IL1RAPL2: variants seen among roughly 807,000 people sequenced by gnomAD.
IL1RAPL2 encodes interleukin 1 receptor accessory protein like 2, also known as X-linked interleukin-1 receptor accessory protein-like 2.
IL1RAPL2 carries 3 observed loss-of-function variants against 44.1 expected under a neutral mutation model. The observed-to-expected ratio is 0.07, with a 90% CI of 0.03 to 0.18. IL1RAPL2 has a LOEUF of 0.18. IL1RAPL2 is among the 10% of genes least tolerant of loss of function. IL1RAPL2 has a pLI of 1.00. For synonymous variants in IL1RAPL2, 181 were observed against 178.8 expected (o/e 1.01, Z -0.10); for missense variants, 391 against 496.4 (o/e 0.79, Z 2.02).
At chrX:104,691,079 T>A (rs943032028) in intron 2 of IL1RAPL2, among the ~76,000 whole-genome samples, 2 of 112,060 alleles carry the variant, frequency 1.8e-5, no homozygotes, top group African/African-American at 6.5e-5. Context: ...CCAACCAAGA[T>A]CATCGGTAGA....
intron 6 of IL1RAPL2, among the ~76,000 whole-genome samples, chrX:105,695,876 A>G (rs902772903): frequency 1.8e-5 from 2 of 112,217 alleles, no homozygotes; most frequent in African/African-American, 6.5e-5. Flanking sequence ...GCCTAACTCA[A>G]ATGCCATGTT....
intron 2 of IL1RAPL2, among the ~76,000 whole-genome samples, chrX:104,680,840 T>C (rs1930879086): frequency 8.9e-6 from 1 of 112,173 alleles, no homozygotes; most frequent in African/African-American, 3.2e-5. Flanking sequence ...AATATTAACT[T>C]GGATTCATAA....
At chrX:104,848,461 A>T (rs1484687664) in intron 2 of IL1RAPL2, among the ~76,000 whole-genome samples, 2 of 89,417 alleles carry the variant, frequency 2.2e-5, no homozygotes, top group African/African-American at 8.2e-5. Flanking sequence ...AACTTAAACA[A>T]TCTCTCTTTG....
chrX:105,671,932 T>C (rs1329940640), intron 6 of IL1RAPL2, among the ~76,000 whole-genome samples: 1 of 111,415 alleles, frequency 9.0e-6, no homozygotes, highest in Non-Finnish European at 1.9e-5. Flanking sequence ...CTCCATTCTG[T>C]TTTTGAGCCC....
chrX:105,633,899 G>T (rs769760154), intron 6 of IL1RAPL2, among the ~76,000 whole-genome samples: 6 of 111,339 alleles, frequency 5.4e-5, no homozygotes, highest in Non-Finnish European at 1.1e-4. Flanking sequence ...TACATGGAGA[G>T]ATCAGGGGGC....
At position 105,161,563 on chromosome X, in the gene IL1RAPL2, G is replaced by A. The variant is rs141035819; in HGVS notation, c.83-33912G>A. Among the ~76,000 whole-genome samples, 536 of 110,913 alleles carry A rather than the reference G, an allele frequency of 4.8e-3. 4 individuals are homozygous for A. The highest frequency in any genetic ancestry group is 8.1e-3 in the Non-Finnish European group (429 of 53,086). ...ATTATGGTTCATGTTAAAATTCAAC[G>A]AGTTTGCCTAGACCACATGGTTTTA... On this transcript the variant is annotated intron_variant, in intron 2 of 10. Coordinates refer to ENST00000372582, the MANE Select transcript of IL1RAPL2 (RefSeq NM_017416.2).
intron 2 of IL1RAPL2, among the ~76,000 whole-genome samples, chrX:104,844,217 TA>T (rs1921983503): frequency 9.0e-6 from 1 of 111,132 alleles, no homozygotes; most frequent in East Asian, 2.8e-4. Flanking sequence ...TGTCCTTCTT[TA>T]AACATTAAAA....
intron 2 of IL1RAPL2, among the ~76,000 whole-genome samples, chrX:104,793,821 C>T (rs2147609275): frequency 9.0e-6 from 1 of 111,480 alleles, no homozygotes; most frequent in Non-Finnish European, 1.9e-5. Flanking sequence ...CCATGAGCAC[C>T]TTACTGGTTA....
At chrX:104,661,570 AC>A in intron 2 of IL1RAPL2, among the ~76,000 whole-genome samples, 1 of 109,523 alleles carries the variant, frequency 9.1e-6, no homozygotes, top group Middle Eastern at 4.6e-3. Flanking sequence ...CTGTTTAGCC[AC>A]CCCCATCATA....
chrX:104,852,435 A>G (rs982971579), intron 2 of IL1RAPL2, among the ~76,000 whole-genome samples: 1 of 111,884 alleles, frequency 8.9e-6, no homozygotes, highest in Non-Finnish European at 1.9e-5. Context: ...TGGTTTTTGC[A>G]GTCTTTTGTA....
intron 2 of IL1RAPL2, among the ~76,000 whole-genome samples, chrX:104,888,721 C>A (rs934828463): frequency 9.0e-6 from 1 of 111,327 alleles, no homozygotes; most frequent in Non-Finnish European, 1.9e-5. Flanking sequence ...CACTCCCATT[C>A]CTGCAAAAAA....
chrX:104,833,695 A>G (rs1227041412), intron 2 of IL1RAPL2, among the ~76,000 whole-genome samples: 2 of 111,667 alleles, frequency 1.8e-5, no homozygotes, highest in East Asian at 5.7e-4. Context: ...CAGGGAAGTT[A>G]TTAAATAGTT....
chrX:104,741,269 G>T (rs941745574), intron 2 of IL1RAPL2, among the ~76,000 whole-genome samples: 1 of 111,206 alleles, frequency 9.0e-6, no homozygotes, highest in Non-Finnish European at 1.9e-5. Context: ...GAAAATAAAG[G>T]AGGTGAGAAA....
chrX:105,216,814 C>G (rs145551202), intron 3 of IL1RAPL2, among the ~76,000 whole-genome samples: 6,210 of 111,646 alleles, frequency 0.056, 439 homozygotes, highest in African/African-American at 0.19. Context: ...CTACAACCAT[C>G]TGATCTTCGA....
chrX:105,678,690 A>G (rs2037895529), intron 6 of IL1RAPL2, among the ~76,000 whole-genome samples: 1 of 110,725 alleles, frequency 9.0e-6, no homozygotes, highest in Non-Finnish European at 1.9e-5. Context: ...CTAGGAGTCA[A>G]TAGGGTAATA....
chrX:104,748,338 T>A (rs1932207574), intron 2 of IL1RAPL2, among the ~76,000 whole-genome samples: 1 of 111,957 alleles, frequency 8.9e-6, no homozygotes, highest in Non-Finnish European at 1.9e-5. Flanking sequence ...TCCAAATACA[T>A]TTCTTGAAAC....
chrX:105,406,856 T>C, intron 5 of IL1RAPL2: 1 of 1,138,243 alleles, frequency 8.8e-7, no homozygotes, highest in South Asian at 1.8e-5. Context: ...AACCTGAGAG[T>C]GGCTACCTTA....
Position 105,562,540 on chromosome X carries a change from CACACACACAT to C in IL1RAPL2, c.772+78162_772+78171del, listed in dbSNP as rs1357052982. 3.6e-3 allele frequency among the ~76,000 whole-genome samples: 379 copies of C among 105,985 alleles called. 4 individuals are homozygous for C. Among genetic ancestry groups the C allele is most frequent in the African/African-American group, 0.012 (338 of 29,116 alleles). 92.0% of individuals were successfully genotyped at this position (105,985 alleles called of 115,157 possible). A position where few individuals can be genotyped will look rare whatever the true frequency, so the allele number is the denominator to read the frequency against. The stretch of plus-strand genomic sequence containing the variant: ...ACACACACACACACACACACACACA[CACACACACAT>C]ACACACACCACATAATATGGAATGT... On this transcript the variant is annotated intron_variant, in intron 6 of 10. Transcript: ENST00000372582.
chrX:105,073,114 T>C (rs2032233298), intron 2 of IL1RAPL2, among the ~76,000 whole-genome samples: 1 of 107,134 alleles, frequency 9.3e-6, no homozygotes, highest in African/African-American at 3.4e-5. Flanking sequence ...TACATATGTA[T>C]ACATGTGCCA....
Sources: allele counts gnomAD v4.1 joint callset (sites outside exome capture counted in the v4.1 genomes callset), GRCh38; gene constraint gnomAD v4.1.1; transcripts MANE v1.5; gene names NCBI Gene and HGNC (gene_info 2026-07-23, HGNC 2026-07-21).